FMN2: variants seen among roughly 807,000 people sequenced by gnomAD.
FMN2 encodes the protein formin 2.
FMN2 carries 51 observed loss-of-function variants against 142.3 expected under a neutral mutation model. The ratio of observed to expected loss-of-function variants is 0.36; its 90% CI spans 0.29 to 0.45. The LOEUF (loss-of-function observed/expected upper bound fraction) is 0.45, where lower values mean the gene tolerates loss of function less well. Ranked by LOEUF, FMN2 falls within the 20% of genes least tolerant of loss-of-function variation. The probability of loss-of-function intolerance (pLI) is 1.00; values close to 1 mark genes in which losing one functional copy is unlikely to be tolerated. For missense variants in FMN2, 1,936 were observed against 2,122.8 expected, an observed-to-expected ratio of 0.91 and a Z score of 1.73; for synonymous variants, 882 against 869.8, an observed-to-expected ratio of 1.01 and a Z score of -0.25.
chr1:240,151,308 G>T (rs1174818399), intron 2 of FMN2, among the ~76,000 whole-genome samples: 2 of 152,174 alleles, frequency 1.3e-5, no homozygotes, highest in African/African-American at 4.8e-5. Context: ...TCTATAAGTA[G>T]CAGAGCATGT....
At chr1:240,358,317 A>G (rs1227109091) in intron 14 of FMN2, among the ~76,000 whole-genome samples, 1 of 152,224 alleles carries the variant, frequency 6.6e-6, no homozygotes, top group East Asian at 1.9e-4. Flanking sequence ...TTTTTGGAAA[A>G]AAACCTATGT....
intron 14 of FMN2, among the ~76,000 whole-genome samples, chr1:240,361,552 C>T (rs1469613693): frequency 2.0e-5 from 3 of 152,090 alleles, no homozygotes; most frequent in African/African-American, 7.2e-5. Flanking sequence ...TAAGACAGAA[C>T]CAAATGGACG....
chr1:240,328,138 A>ACC (rs568764663), intron 8 of FMN2, among the ~76,000 whole-genome samples: 3 of 123,838 alleles, frequency 2.4e-5, no homozygotes, highest in Non-Finnish European at 4.9e-5. Flanking sequence ...ACGGAGCAAG[A>ACC]CCCCATCTCA....
intron 16 of FMN2, among the ~76,000 whole-genome samples, chr1:240,453,164 G>A (rs1676116646): frequency 6.6e-6 from 1 of 152,158 alleles, no homozygotes; most frequent in Non-Finnish European, 1.5e-5. Context: ...AAACTTCTTA[G>A]TTAATGTTAG....
intron 6 of FMN2, among the ~76,000 whole-genome samples, chr1:240,249,371 A>G (rs1156870138): frequency 1.3e-5 from 2 of 151,836 alleles, no homozygotes; most frequent in African/African-American, 2.4e-5. Flanking sequence ...TCCCTCATGT[A>G]TGTTCTTGGT....
At chr1:240,108,705 A>T (rs2103189831) in intron 1 of FMN2, among the ~76,000 whole-genome samples, 1 of 152,342 alleles carries the variant, frequency 6.6e-6, no homozygotes, top group African/African-American at 2.4e-5. Context: ...CTTTTAAAAT[A>T]CAGCAACTGT....
intron 7 of FMN2, among the ~76,000 whole-genome samples, chr1:240,289,698 A>G (rs1051294703): frequency 6.6e-6 from 1 of 152,050 alleles, no homozygotes; most frequent in Non-Finnish European, 1.5e-5. Flanking sequence ...TCTCTAAAAA[A>G]AAGGGATTAC....
At position 240,227,413 on chromosome 1, in the gene FMN2, C is replaced by T. The variant is rs184319854; in HGVS notation, c.4065+16178C>T. Among the ~76,000 whole-genome samples the T allele has an allele frequency of 2.9e-3, 413 of 144,080 alleles. 3 individuals are homozygous for T. In the South Asian group the frequency reaches 0.029, roughly 10 times the overall value. 94.5% of individuals were successfully genotyped at this position (144,080 alleles called of 152,430 possible). ...ACACAGTGTCTAGCAACATCCCAAC[C>T]ATTTCTCCAAACTCATTTTTTTTTA... On this transcript the variant is annotated intron_variant, in intron 6 of 17. Transcript: ENST00000319653.
At chr1:240,443,843 T>G (rs2103192866) in intron 16 of FMN2, among the ~76,000 whole-genome samples, 1 of 152,160 alleles carries the variant, frequency 6.6e-6, no homozygotes, top group South Asian at 2.1e-4. Flanking sequence ...CTCCCTAAGG[T>G]CTCACAGAGC....
chr1:240,177,475 C>T (rs74804656), intron 2 of FMN2, among the ~76,000 whole-genome samples: 121 of 151,774 alleles, frequency 8.0e-4, no homozygotes, highest in East Asian at 6.0e-3. Context: ...GTTGAAGGCA[C>T]GGGAGCTATT....
chr1:240,263,543 C>T (rs1469797642), intron 7 of FMN2, among the ~76,000 whole-genome samples: 1 of 152,158 alleles, frequency 6.6e-6, no homozygotes, highest in Non-Finnish European at 1.5e-5. Flanking sequence ...ATTGAAAGCC[C>T]ATTTCAGACA....
intron 14 of FMN2, among the ~76,000 whole-genome samples, chr1:240,373,177 C>T (rs1198846113): frequency 2.6e-5 from 4 of 152,154 alleles, no homozygotes; most frequent in African/African-American, 9.7e-5. Flanking sequence ...GAGCAAGAGT[C>T]CATCTCAAAT....
At position 240,207,149 on chromosome 1, in the gene FMN2, A is replaced by T; in HGVS notation, c.2337A>T (p.Thr779=). The T allele has an allele frequency of 6.2e-7, 1 of 1,614,068 alleles. No individual in the cohort carries two copies. Among genetic ancestry groups the T allele is most frequent in the Non-Finnish European group, 8.5e-7 (1 of 1,179,960 alleles). ...CPPGAESGPQ[T]KFCSEISLIV... is the part of the protein sequence containing the mutation. Reference sequence around the variant, plus strand: ...CTGGGGCTGAAAGTGGACCTCAGACAAAGTTCTGTTCAGAGATTTCTTTGA... The same window carrying T: ...CTGGGGCTGAAAGTGGACCTCAGACTAAGTTCTGTTCAGAGATTTCTTTGA... The change falls in exon 5 of 18, where the codon ACA becomes ACT. Residue 779 remains threonine, a synonymous_variant. Transcript: ENST00000319653.
At chr1:240,385,705 T>C (rs376163320) in intron 14 of FMN2, among the ~76,000 whole-genome samples, 1 of 152,202 alleles carries the variant, frequency 6.6e-6, no homozygotes. Flanking sequence ...ACCACTTCAA[T>C]ACGTACATCA....
In FMN2 at chr1:240,233,249, C is replaced by T. The variant is rs377025008; in HGVS notation, c.4065+22014C>T. ...GACAAAAATTATCCGGGCTTGGTGG[C>T]GGGCACCTGTAATCCCAGCTACTCA... On this transcript the variant is annotated intron_variant, in intron 6 of 17. Transcript: ENST00000319653. Among the ~76,000 whole-genome samples the T allele has an allele frequency of 4.9e-4, 75 of 152,014 alleles. 1 individual carries two copies. The highest frequency in any genetic ancestry group is 1.7e-3 in the African/African-American group (71 of 41,484).
At chr1:240,294,769 C>T in intron 7 of FMN2, 53 bp from the exon 8 acceptor site, 1 of 1,558,794 alleles carries the variant, frequency 6.4e-7, no homozygotes. Flanking sequence ...GATGGTCAAA[C>T]ATCTTTTCAC....
At chr1:240,344,898 G>A (rs1445254121) in intron 13 of FMN2, among the ~76,000 whole-genome samples, 2 of 152,126 alleles carry the variant, frequency 1.3e-5, no homozygotes, top group Admixed American at 1.3e-4. Flanking sequence ...TAAAGCAATA[G>A]TCAACTTAGT....
chr1:240,389,691 C>A (rs966865061), intron 14 of FMN2, among the ~76,000 whole-genome samples: 2 of 152,148 alleles, frequency 1.3e-5, no homozygotes, highest in East Asian at 3.9e-4. Flanking sequence ...GTGGCTTATG[C>A]CTGTAATCTC....
chr1:240,367,276 T>C (rs1470216319), intron 14 of FMN2, among the ~76,000 whole-genome samples: 3 of 152,198 alleles, frequency 2.0e-5, no homozygotes, highest in African/African-American at 7.2e-5. Context: ...GACTTGTCTT[T>C]TACTTATTGA....
Sources: gnomAD v4.1 joint callset for allele counts (sites outside exome capture counted in the v4.1 genomes callset) on GRCh38, gnomAD v4.1.1 for gene constraint, MANE v1.5 for transcripts, NCBI Gene and HGNC (gene_info 2026-07-23, HGNC 2026-07-21) for gene names.